DCDC2C: variants seen among roughly 807,000 people sequenced by gnomAD.
The protein encoded by DCDC2C is doublecortin domain-containing protein 2C.
DCDC2C carries 44 observed loss-of-function variants against 45.0 expected under a neutral mutation model. The observed-to-expected ratio is 0.98, with a 90% confidence interval of 0.77 to 1.26. The LOEUF (loss-of-function observed/expected upper bound fraction) is 1.26, where lower values mean the gene tolerates loss of function less well. Ranked by LOEUF, DCDC2C falls within the 50% of genes most tolerant of loss-of-function variation. The pLI, the probability that DCDC2C is intolerant of heterozygous loss-of-function variation, is 0.00. For synonymous variants in DCDC2C, 187 were observed against 178.8 expected (o/e 1.05, Z -0.37); for missense variants, 447 against 468.9 (o/e 0.95, Z 0.43).
intron 10 of DCDC2C, among the ~76,000 whole-genome samples, chr2:3,799,325 T>G (rs1377066086): frequency 6.6e-6 from 1 of 152,242 alleles, no homozygotes; most frequent in Non-Finnish European, 1.5e-5. Flanking sequence ...AATTTCCTCC[T>G]GTAGCTTGGA....
chr2:3,809,966 A>T (rs572649680), intron 10 of DCDC2C, among the ~76,000 whole-genome samples: 4 of 152,282 alleles, frequency 2.6e-5, no homozygotes, highest in Non-Finnish European at 5.9e-5. Context: ...GTGGATATGT[A>T]CCACATTTTC....
chr2:3,791,517 G>A (rs1337111651), intron 10 of DCDC2C, among the ~76,000 whole-genome samples: 2 of 152,232 alleles, frequency 1.3e-5, no homozygotes, highest in Non-Finnish European at 1.5e-5. Context: ...TGGAGAAGTA[G>A]CAAGTGAACA....
intron 2 of DCDC2C, among the ~76,000 whole-genome samples, chr2:3,724,856 A>AAGAGCTGAGTCCCAGGGC (rs1668594233): frequency 6.6e-6 from 1 of 152,116 alleles, no homozygotes; most frequent in East Asian, 1.9e-4. Context: ...GGTGAGGTTC[A>AAGAGCTGAGTCCCAGGGC]AGAGCTGAGT....
At chr2:3,768,955 T>A (rs1192407024) in intron 7 of DCDC2C, 1 of 190,244 alleles carries the variant, frequency 5.3e-6, no homozygotes, top group Non-Finnish European at 1.1e-5. Flanking sequence ...CTAACGGAAT[T>A]AACTGGACCA....
chr2:3,777,947 C>A (rs1028444640), intron 8 of DCDC2C, among the ~76,000 whole-genome samples: 1 of 152,214 alleles, frequency 6.6e-6, no homozygotes, highest in Non-Finnish European at 1.5e-5. Flanking sequence ...CAGGAAGGTG[C>A]ATGAAGAGCC....
chr2:3,809,147 C>A (rs1463164278), intron 10 of DCDC2C, among the ~76,000 whole-genome samples: 1 of 152,142 alleles, frequency 6.6e-6, no homozygotes, highest in African/African-American at 2.4e-5. Flanking sequence ...TTGATTACTG[C>A]AGTTTTGAAA....
rs535311668 is a variant in DCDC2C at position 3,847,475 on chromosome 2, G to T, written c.*292G>T. On this transcript the variant is annotated 3_prime_UTR_variant, in exon 11 of 11. Transcript: ENST00000399143. Reference sequence around the variant, plus strand: ...GAAAGTGAGAAGAATTTGAAAAAACGTGTGTATATTTTCCCCTCATGATAT... The same window carrying T: ...GAAAGTGAGAAGAATTTGAAAAAACTTGTGTATATTTTCCCCTCATGATAT... 3.9e-6 allele frequency: 1 copy of T among 255,598 alleles called. No homozygotes were observed. The highest frequency in any genetic ancestry group is 7.4e-6 in the Non-Finnish European group (1 of 135,852). 15.8% of individuals were successfully genotyped at this position (255,598 alleles called of 1,614,324 possible).
At chr2:3,822,153 G>A (rs1671705444) in intron 10 of DCDC2C, among the ~76,000 whole-genome samples, 1 of 152,182 alleles carries the variant, frequency 6.6e-6, no homozygotes, top group African/African-American at 2.4e-5. Context: ...GCATGTATCA[G>A]TACTTTATTC....
rs73910356 is a variant in DCDC2C, at chr2:3,748,499, G to C, written c.546-4264G>C. The stretch of plus-strand genomic sequence containing the variant: ...ATTCCTGACAAGGGGGAAGTGGGAG[G>C]AGGAACAGGTTTTGGGGGAGTTAAG... On this transcript the variant is annotated intron_variant, in intron 4 of 10. Coordinates refer to ENST00000399143, the MANE Select transcript of DCDC2C (RefSeq NM_001287444.2). Among the ~76,000 whole-genome samples, 583 of 152,188 alleles carry C rather than the reference G, an allele frequency of 3.8e-3. 4 individuals carry two copies. The highest frequency in any genetic ancestry group is 0.013 in the African/African-American group (533 of 41,494).
intron 4 of DCDC2C, among the ~76,000 whole-genome samples, chr2:3,749,226 T>G (rs1276945563): frequency 6.6e-6 from 1 of 152,218 alleles, no homozygotes; most frequent in Non-Finnish European, 1.5e-5. Flanking sequence ...AAAAAACAAT[T>G]TTGCAAATGG....
At chr2:3,809,576 A>G (rs1671337833) in intron 10 of DCDC2C, among the ~76,000 whole-genome samples, 1 of 152,216 alleles carries the variant, frequency 6.6e-6, no homozygotes, top group South Asian at 2.1e-4. Flanking sequence ...GAATCCTGAA[A>G]TCTTGATGAG....
At position 3,769,361 on chromosome 2, in the gene DCDC2C, C is replaced by T. The variant is rs2148154522; in HGVS notation, c.904C>T (p.Leu302=). 6.4e-7 allele frequency: 1 copy of T among 1,550,646 alleles called. No homozygotes were observed. Among genetic ancestry groups the T allele is most frequent in the Non-Finnish European group, 8.7e-7 (1 of 1,146,992 alleles). ...PTPSKETQGA[L]DVKEEHNVQL... is the part of the protein sequence containing the mutation. ...TCCTAGCAAGGAAACCCAAGGGGCG[C>T]TGGACGTCAAAGAGGAGCACAATGT... Residue 302 remains leucine, a synonymous_variant, in exon 8 of 11, where the codon CTG becomes TTG. Coordinates refer to ENST00000399143, the MANE Select transcript of DCDC2C (RefSeq NM_001287444.2).
In DCDC2C at chr2:3,847,184, C is replaced by A. The variant is rs956429585; in HGVS notation, c.*1C>A. 10 of 1,231,458 alleles carry A rather than the reference C, an allele frequency of 8.1e-6. 1 individual carries two copies. The South Asian group carries it at 4.1e-4, about 51-fold the overall frequency. The allele number at this position is 1,231,458 out of a possible 1,614,324, so 76.3% of individuals were successfully genotyped here. ...CCGGGAGTGGAAACCTGTAGATTAA[C>A]AAAACCACCTTTATTATTACCTGAA... On this transcript the variant is annotated 3_prime_UTR_variant, in exon 11 of 11. Transcript: ENST00000399143.
intron 10 of DCDC2C, among the ~76,000 whole-genome samples, chr2:3,791,420 A>T (rs1024017162): frequency 6.6e-6 from 1 of 152,228 alleles, no homozygotes; most frequent in African/African-American, 2.4e-5. Flanking sequence ...GGTGGGCTCC[A>T]TGGAAGCAGT....
intron 10 of DCDC2C, among the ~76,000 whole-genome samples, chr2:3,801,670 A>G (rs1181068933): frequency 6.6e-6 from 1 of 152,260 alleles, no homozygotes; most frequent in Non-Finnish European, 1.5e-5. Context: ...GGAGCCCAGC[A>G]CAGAGCCTGA....
At chr2:3,840,669 G>A (rs1672190674) in intron 10 of DCDC2C, among the ~76,000 whole-genome samples, 1 of 152,136 alleles carries the variant, frequency 6.6e-6, no homozygotes, top group African/African-American at 2.4e-5. Context: ...CTAATGTCTG[G>A]ATTTTTGTTT....
intron 2 of DCDC2C, chr2:3,725,831 AGAGGGAGATG>A (rs1668658932): frequency 6.3e-6 from 1 of 159,508 alleles, no homozygotes. Flanking sequence ...GGTGGATCCC[AGAGGGAGATG>A]AGCAGAGAGA....
At chr2:3,826,859 G>A (rs1671830517) in intron 10 of DCDC2C, among the ~76,000 whole-genome samples, 1 of 152,118 alleles carries the variant, frequency 6.6e-6, no homozygotes, top group African/African-American at 2.4e-5. Context: ...CTAATGCCAT[G>A]TGCATTGCAT....
chr2:3,834,536 T>C (rs1672029573), intron 10 of DCDC2C, among the ~76,000 whole-genome samples: 1 of 152,210 alleles, frequency 6.6e-6, no homozygotes, highest in Non-Finnish European at 1.5e-5. Context: ...TGTCTTTGCC[T>C]GCTCAGGGTC....
Sources: gnomAD v4.1 joint callset for allele counts (sites outside exome capture counted in the v4.1 genomes callset) on GRCh38, gnomAD v4.1.1 for gene constraint, MANE v1.5 for transcripts, NCBI Gene and HGNC (gene_info 2026-07-23, HGNC 2026-07-21) for gene names.